Variants in DHRS7B observed in about 807,000 individuals in gnomAD.
DHRS7B encodes the protein dehydrogenase/reductase 7B, also known as peroxisomal reductase activating PPAR-gamma.
A neutral mutation model predicts 26.4 loss-of-function variants in DHRS7B; 24 were observed. The ratio of observed to expected loss-of-function variants is 0.91; its 90% CI spans 0.66 to 1.28. DHRS7B has a LOEUF of 1.28. Among genes scored for constraint, DHRS7B ranks in the 50% most tolerant of loss-of-function variants. DHRS7B has a pLI of 0.00. For synonymous variants in DHRS7B, 142 were observed against 166.4 expected (o/e 0.85, Z 1.13); for missense variants, 368 against 419.4 (o/e 0.88, Z 1.07).
intron 3 of DHRS7B, among the ~76,000 whole-genome samples, chr17:21,181,151 A>G (rs879733990): frequency 6.6e-6 from 1 of 152,180 alleles, no homozygotes; most frequent in African/African-American, 2.4e-5. Context: ...CAGTAGTGCA[A>G]TCATGGCTCA....
chr17:21,175,432 G>A (rs1422686763), intron 2 of DHRS7B, among the ~76,000 whole-genome samples: 1 of 152,252 alleles, frequency 6.6e-6, no homozygotes, highest in African/African-American at 2.4e-5. Flanking sequence ...GGCTACCAGA[G>A]ATGGAATTAG....
chr17:21,132,348 A>ATATAT lies in DHRS7B; in HGVS notation c.20+5357_20+5358insTATAT, dbSNP rs1555535740. ...AGACCCCATCTCTTAAAAAAAAAAA[A>ATATAT]ATATATATATATATAGATAGATAGA... On this transcript the variant is annotated intron_variant, in intron 1 of 6. Transcript: ENST00000395511. Among the ~76,000 whole-genome samples the ATATAT allele has an allele frequency of 8.3e-4, 104 of 125,016 alleles. 1 individual carries two copies. The highest frequency in any genetic ancestry group is 2.9e-3 in the African/African-American group (100 of 34,286). The allele number at this position is 125,016 out of a possible 152,430, so 82.0% of individuals were successfully genotyped here.
chr17:21,180,003 C>T (rs9898862), intron 3 of DHRS7B, among the ~76,000 whole-genome samples: 9,853 of 150,976 alleles, frequency 0.065, 545 homozygotes, highest in African/African-American at 0.15. Context: ...CGACCTCAGG[C>T]GATCCACCCG....
chr17:21,155,840 G>T (rs753799878), intron 1 of DHRS7B, among the ~76,000 whole-genome samples: 7 of 152,154 alleles, frequency 4.6e-5, no homozygotes, highest in Non-Finnish European at 7.4e-5. Context: ...AATAGTTAGT[G>T]ATTAAACAAC....
chr17:21,150,120 A>AACAC (rs1567619788), intron 1 of DHRS7B, among the ~76,000 whole-genome samples: 1 of 149,838 alleles, frequency 6.7e-6, no homozygotes, highest in Non-Finnish European at 1.5e-5. Flanking sequence ...AAAAAAAAAA[A>AACAC]AAAAAAAAAA....
At chr17:21,150,102 AT>A (rs1362646262) in intron 1 of DHRS7B, among the ~76,000 whole-genome samples, 17 of 81,778 alleles carry the variant, frequency 2.1e-4, no homozygotes, top group Admixed American at 2.9e-4. Flanking sequence ...CTCCATCTCT[AT>A]TTAAAAAAAA....
chr17:21,189,494 C>G (rs542710421), intron 6 of DHRS7B, among the ~76,000 whole-genome samples: 1 of 152,208 alleles, frequency 6.6e-6, no homozygotes, highest in Non-Finnish European at 1.5e-5. Context: ...ATGCTTGGAA[C>G]AGGGCCTGCT....
chr17:21,168,956 A>G lies in DHRS7B; in HGVS notation c.21-3062A>G, dbSNP rs901261109. ...CTGGCTTGAGTTTTAATTAGGTTGC[A>G]TGAAAGTGCAATTTGTTGGGAACTT... is the stretch of plus-strand genomic sequence containing the variant. On this transcript the variant is annotated intron_variant, in intron 1 of 6. Transcript: ENST00000395511. The G allele has an allele frequency of 3.3e-5, 32 of 974,636 alleles. No homozygotes were observed. The African/African-American group carries it at 3.9e-4, about 12-fold the overall frequency. The allele number at this position is 974,636 out of a possible 1,614,324, so 60.4% of individuals were successfully genotyped here.
chr17:21,164,984 T>C (rs1974079416), intron 1 of DHRS7B, among the ~76,000 whole-genome samples: 1 of 152,248 alleles, frequency 6.6e-6, no homozygotes, highest in South Asian at 2.1e-4. Context: ...TGAAATCCTC[T>C]CTGGGAATTG....
intron 1 of DHRS7B, among the ~76,000 whole-genome samples, chr17:21,140,538 A>ACACACACACCCC (rs972677956): frequency 4.4e-5 from 6 of 134,852 alleles, no homozygotes; most frequent in Non-Finnish European, 8.0e-5. Context: ...ACACACACAC[A>ACACACACACCCC]CCCTGACACC....
Position 21,183,707 on chromosome 17 carries a change from CA to C in DHRS7B, c.425del (p.Asn142MetfsTer32), listed in dbSNP as rs746754851. 1.5e-4 allele frequency: 249 copies of C among 1,614,092 alleles called. No homozygotes were observed. The highest frequency in any genetic ancestry group is 7.2e-4 in the Admixed American group (43 of 60,008). Reference sequence around the variant, plus strand: ...TTGGCTATGTCGACATACTTGTCAACAATGCTGGGATCAGCTACCGTGGTAC... The same window carrying C: ...TTGGCTATGTCGACATACTTGTCAACATGCTGGGATCAGCTACCGTGGTAC... ...CFGYVDILVN[N>X]AGISYRGTIM... On this transcript the variant is annotated frameshift_variant, in exon 4 of 7. Coordinates refer to ENST00000395511, the MANE Select transcript of DHRS7B (RefSeq NM_015510.5). LOFTEE classifies it high-confidence loss of function.
intron 6 of DHRS7B, among the ~76,000 whole-genome samples, chr17:21,189,327 T>C (rs972831892): frequency 2.0e-5 from 3 of 152,194 alleles, no homozygotes; most frequent in African/African-American, 7.2e-5. Flanking sequence ...TGCAGCAGTC[T>C]CAGCACCTTC....
chr17:21,126,970 C>T lies in DHRS7B; in HGVS notation c.-2C>T, dbSNP rs1973111407. ...GAGGCGGGAGGATGAAGTTGATTGACTATGGTCTCTCCGGCTACCAGGTAG... is the reference window on the plus strand; with the variant it reads ...GAGGCGGGAGGATGAAGTTGATTGATTATGGTCTCTCCGGCTACCAGGTAG... On this transcript the variant is annotated 5_prime_UTR_variant, in exon 1 of 7. Coordinates refer to ENST00000395511, the MANE Select transcript of DHRS7B (RefSeq NM_015510.5). The T allele has an allele frequency of 6.5e-7, 1 of 1,537,844 alleles. No homozygotes were observed. The highest frequency in any genetic ancestry group is 8.8e-7 in the Non-Finnish European group (1 of 1,141,352).
chr17:21,162,094 G>A (rs181886977), intron 1 of DHRS7B, among the ~76,000 whole-genome samples: 54 of 151,682 alleles, frequency 3.6e-4, no homozygotes, highest in African/African-American at 9.7e-4. Context: ...CTGAGAGAAA[G>A]GGAGCCAACA....
intron 1 of DHRS7B, among the ~76,000 whole-genome samples, chr17:21,170,881 T>C (rs1974225285): frequency 2.0e-5 from 3 of 151,990 alleles, no homozygotes; most frequent in African/African-American, 7.3e-5. Context: ...ATATGTGGGC[T>C]TGAGATGGGA....
In DHRS7B at chr17:21,166,553, A is replaced by AG. The variant is rs1169419609; in HGVS notation, c.21-5463dup. On this transcript the variant is annotated intron_variant, in intron 1 of 6. Transcript: ENST00000395511. Reference sequence around the variant, plus strand: ...GACATTTGAGACCAAAAAAAAAAAAAGGCAGTTTGACCCTGCCTTTACTTT... The same window carrying AG: ...GACATTTGAGACCAAAAAAAAAAAAAGGGCAGTTTGACCCTGCCTTTACTTT... 7.1e-6 allele frequency: 3 copies of AG among 424,684 alleles called. No homozygotes were observed. The East Asian group carries it at 4.7e-4, about 67-fold the overall frequency. 26.3% of individuals were successfully genotyped at this position (424,684 alleles called of 1,614,324 possible).
At chr17:21,149,698 C>G (rs956684753) in intron 1 of DHRS7B, among the ~76,000 whole-genome samples, 11 of 152,034 alleles carry the variant, frequency 7.2e-5, no homozygotes, top group Non-Finnish European at 1.2e-4. Flanking sequence ...GTTGTCATCT[C>G]TTTAAAATGA....
intron 1 of DHRS7B, among the ~76,000 whole-genome samples, chr17:21,143,274 G>T (rs1015466974): frequency 1.1e-4 from 16 of 152,150 alleles, no homozygotes; most frequent in African/African-American, 3.9e-4. Flanking sequence ...TGTTGGCCAA[G>T]CTGGTCTTGA....
Position 21,183,801 on chromosome 17 carries a change from CT to C in DHRS7B, c.518del (p.Leu173GlnfsTer9), listed in dbSNP as rs762034922. 1.1e-5 allele frequency: 17 copies of C among 1,613,914 alleles called. No homozygotes were observed. Among genetic ancestry groups the C allele is most frequent in the Non-Finnish European group, 1.4e-5 (17 of 1,179,878 alleles). On this transcript the variant is annotated frameshift_variant, in exon 4 of 7. Transcript: ENST00000395511. LOFTEE classifies it high-confidence loss of function. The part of the protein sequence containing the change: ...METNYFGPVA[L>X]TKALLPSMIK... ...GACAAACTACTTTGGCCCAGTTGCT[CT>C]AACGAAAGGTAACAGTCTTGAGAAA...
Sources: gnomAD v4.1 joint callset for allele counts (sites outside exome capture counted in the v4.1 genomes callset) on GRCh38, gnomAD v4.1.1 for gene constraint, MANE v1.5 for transcripts, NCBI Gene and HGNC (gene_info 2026-07-23, HGNC 2026-07-21) for gene names.